PPIP5K2: variants seen among roughly 807,000 people sequenced by gnomAD.
The protein encoded by PPIP5K2 is diphosphoinositol pentakisphosphate kinase 2, also known as inositol hexakisphosphate and diphosphoinositol-pentakisphosphate kinase 2.
Under a neutral mutation model 154.6 loss-of-function variants are expected in PPIP5K2, and 105 were observed. That is an observed-to-expected ratio of 0.68 (90% CI 0.58 to 0.80). PPIP5K2 has a LOEUF of 0.80. Among genes scored for constraint, PPIP5K2 ranks in the 30% least tolerant of loss-of-function variants. The pLI is 0.00. For synonymous variants in PPIP5K2, 480 were observed against 490.3 expected (o/e 0.98, Z 0.28); for missense variants, 992 against 1,504.6 (o/e 0.66, Z 5.64).
rs782333228 is a variant in PPIP5K2, at chr5:103,177,999, T to C, written c.2754+19T>C. 1.4e-6 allele frequency: 2 copies of C among 1,446,094 alleles called. No individual in the cohort carries two copies. Among genetic ancestry groups the C allele is most frequent in the South Asian group, 2.3e-5 (2 of 87,260 alleles). 89.6% of individuals were successfully genotyped at this position (1,446,094 alleles called of 1,614,324 possible). The stretch of plus-strand genomic sequence containing the variant: ...CAGAGAGGTAATGAAGGTGGAACTC[T>C]CAGTGCTTAGTTACTACAGTTCTAG... On this transcript the variant is annotated intron_variant, in intron 23 of 30. Coordinates refer to ENST00000358359, the MANE Select transcript of PPIP5K2 (RefSeq NM_001276277.3).
chr5:103,185,182 G>A (rs142945748), intron 26 of PPIP5K2, among the ~76,000 whole-genome samples: 20 of 152,168 alleles, frequency 1.3e-4, no homozygotes, highest in African/African-American at 4.3e-4. Flanking sequence ...TGAGCAGCTC[G>A]TAAGGAAAAC....
At chr5:103,173,124 C>G (rs782148587) in intron 19 of PPIP5K2, 31 bp from the exon 20 acceptor site, 1 of 1,540,846 alleles carries the variant, frequency 6.5e-7, no homozygotes, top group Non-Finnish European at 8.8e-7. Context: ...TCATTATATC[C>G]TTTTTCTAAT....
chr5:103,133,426 C>T (rs781946277), intron 2 of PPIP5K2, 27 bp from the exon 3 acceptor site: 27 of 1,591,602 alleles, frequency 1.7e-5, no homozygotes, highest in East Asian at 4.5e-5. Flanking sequence ...AAAGTTAACC[C>T]GATTTTTTGT....
intron 1 of PPIP5K2, chr5:103,120,701 C>A (rs1788513296): frequency 6.1e-6 from 2 of 325,254 alleles, no homozygotes; most frequent in Non-Finnish European, 6.3e-6. Context: ...TCCTCCTGCT[C>A]CCCCATGGCT....
intron 5 of PPIP5K2, among the ~76,000 whole-genome samples, chr5:103,142,270 G>C (rs1347545785): frequency 1.3e-5 from 2 of 152,202 alleles, no homozygotes; most frequent in Admixed American, 6.5e-5. Flanking sequence ...CGCAGCCACT[G>C]GCCCGGGTGC....
chr5:103,199,230 A>G lies in PPIP5K2; in HGVS notation c.3620-2292A>G, dbSNP rs901247547. On this transcript the variant is annotated intron_variant, in intron 30 of 30. Coordinates refer to ENST00000358359, the MANE Select transcript of PPIP5K2 (RefSeq NM_001276277.3). Reference sequence around the variant, plus strand: ...TTCTATATTTATCCATATATTTGCCATATTTTTTGCTCTCTATTCCTTCCT... The same window carrying G: ...TTCTATATTTATCCATATATTTGCCGTATTTTTTGCTCTCTATTCCTTCCT... Among the ~76,000 whole-genome samples, 11 of 152,238 alleles carry G rather than the reference A, an allele frequency of 7.2e-5. No homozygotes were observed. In the East Asian group the frequency reaches 1.9e-3, roughly 27 times the overall value.
chr5:103,151,873 T>G (rs576635577), intron 9 of PPIP5K2, among the ~76,000 whole-genome samples: 1 of 152,152 alleles, frequency 6.6e-6, no homozygotes, highest in Admixed American at 6.5e-5. Context: ...GAAATGCCAT[T>G]TTTATATTCT....
chr5:103,173,165 T>C lies in PPIP5K2; in HGVS notation c.2297T>C (p.Ile766Thr). 6.2e-7 allele frequency: 1 copy of C among 1,602,644 alleles called. No homozygotes were observed. Among genetic ancestry groups the C allele is most frequent in the Non-Finnish European group, 8.5e-7 (1 of 1,175,654 alleles). ...ADIVIPQEYG[I>T]TKAEKLEIAK... ...GTATTTTTTGCTCAGGAATATGGTATAACTAAAGCTGAAAAACTGGAGATT... is the reference window on the plus strand; with the variant it reads ...GTATTTTTTGCTCAGGAATATGGTACAACTAAAGCTGAAAAACTGGAGATT... The change falls in exon 20 of 31, where the codon ATA (isoleucine) becomes ACA (threonine). Residue 766 changes from isoleucine to threonine, a missense_variant. This residue lies in a region of PPIP5K2 where 157 missense variants were observed against 281.2 expected (regional missense o/e 0.56). Coordinates refer to ENST00000358359, the MANE Select transcript of PPIP5K2 (RefSeq NM_001276277.3).
chr5:103,123,405 A>C (rs1030806773), intron 1 of PPIP5K2, among the ~76,000 whole-genome samples: 3 of 152,214 alleles, frequency 2.0e-5, no homozygotes, highest in Non-Finnish European at 4.4e-5. Context: ...TCACCTTGGA[A>C]CTTTTGGAAA....
rs111258679 is a variant in PPIP5K2, at chr5:103,195,294, T to C, written c.3619+269T>C. Reference sequence around the variant, plus strand: ...AATTTACGGACTGTCTTCTTTTGCCTTTCTTTTGAGTTTAAGGCATCATCT... The same window carrying C: ...AATTTACGGACTGTCTTCTTTTGCCCTTCTTTTGAGTTTAAGGCATCATCT... On this transcript the variant is annotated intron_variant, in intron 30 of 30. Coordinates refer to ENST00000358359, the MANE Select transcript of PPIP5K2 (RefSeq NM_001276277.3). Among the ~76,000 whole-genome samples the C allele has an allele frequency of 9.7e-3, 1,482 of 152,248 alleles. 46 individuals are homozygous for C. The highest frequency in any genetic ancestry group is 0.062 in the Admixed American group (940 of 15,266).
At position 103,149,247 on chromosome 5, in the gene PPIP5K2, A is replaced by C; in HGVS notation, c.840A>C (p.Val280=). Residue 280 remains valine (V), a synonymous_variant, in exon 8 of 31, where the codon GTA becomes GTC. Transcript: ENST00000358359. ...KVERDSEGKE[V]RYPVILNARE... is the part of the protein sequence containing the mutation. ...AACGAGACAGTGAAGGAAAAGAAGT[A>C]AGATACCCTGTTATTCTCAATGCAC... The C allele has an allele frequency of 6.2e-7, 1 of 1,614,036 alleles. No individual in the cohort carries two copies. The highest frequency in any genetic ancestry group is 8.5e-7 in the Non-Finnish European group (1 of 1,179,928).
chr5:103,167,945 A>C (rs987073924), intron 18 of PPIP5K2, 127 bp from the exon 19 acceptor site: 1 of 591,342 alleles, frequency 1.7e-6, no homozygotes, highest in African/African-American at 1.9e-5. Flanking sequence ...GTATGCCTAA[A>C]GTAACTCTCT....
At chr5:103,150,376 G>A (rs1222014759) in intron 8 of PPIP5K2, among the ~76,000 whole-genome samples, 1 of 152,188 alleles carries the variant, frequency 6.6e-6, no homozygotes, top group Non-Finnish European at 1.5e-5. Context: ...AAAGTTCTTA[G>A]AGCCTGAGTG....
chr5:103,136,858 A>G, intron 4 of PPIP5K2, 36 bp downstream of exon 4: 1 of 1,461,978 alleles, frequency 6.8e-7, no homozygotes, highest in Non-Finnish European at 9.6e-7. Flanking sequence ...AGGGAAGGAA[A>G]AATAACATTA....
rs1554212145 is a variant in PPIP5K2, at chr5:103,153,898, C to T, written c.1181C>T (p.Pro394Leu). 6.2e-7 allele frequency: 1 copy of T among 1,603,264 alleles called. No individual in the cohort carries two copies. Among genetic ancestry groups the T allele is most frequent in the Non-Finnish European group, 8.5e-7 (1 of 1,174,892 alleles). ...IAVIRHGDRT[P>L]KQKMKMEVRH... ...GTTATACGTCATGGGGATCGAACAC[C>T]AAAACAAAAAATGAAAATGGAAGTG... The change falls in exon 11 of 31, where the codon CCA becomes CTA. Residue 394 changes from proline to leucine, a missense_variant. By Grantham distance (98) the Pro-to-Leu change is moderately conservative. Transcript: ENST00000358359.
chr5:103,193,096 C>G (rs1025413863), intron 29 of PPIP5K2, among the ~76,000 whole-genome samples: 1 of 151,976 alleles, frequency 6.6e-6, no homozygotes, highest in African/African-American at 2.4e-5. Flanking sequence ...AACAGCTTTA[C>G]TATTTAAAGA....
Position 103,159,190 on chromosome 5 carries a change from A to G in PPIP5K2, c.1782A>G (p.Gln594=). 1 of 1,609,242 alleles carries G rather than the reference A, an allele frequency of 6.2e-7. No homozygotes were observed. Among genetic ancestry groups the G allele is most frequent in the African/African-American group, 1.3e-5 (1 of 74,836 alleles). ...LEGELTPILV[Q]MVKSANMNGL... ...GAGAGCTTACACCCATTCTTGTTCA[A>G]ATGGTGAAAAGTGCAAATATGAACG... The change falls in exon 17 of 31, where the codon CAA becomes CAG. Residue 594 remains glutamine, a synonymous_variant. Transcript: ENST00000358359.
At chr5:103,179,596 A>G (rs148129281) in intron 23 of PPIP5K2, among the ~76,000 whole-genome samples, 116 of 152,236 alleles carry the variant, frequency 7.6e-4, no homozygotes, top group African/African-American at 2.7e-3. Context: ...TTTGGAATAG[A>G]TTTAAATATT....
intron 29 of PPIP5K2, among the ~76,000 whole-genome samples, chr5:103,194,100 G>C (rs181851357): frequency 5.9e-5 from 9 of 152,088 alleles, no homozygotes; most frequent in African/African-American, 2.2e-4. Flanking sequence ...TATATTTGTA[G>C]ATGAAACATC....
Sources: gnomAD v4.1 joint callset for allele counts (sites outside exome capture counted in the v4.1 genomes callset) on GRCh38, gnomAD v4.1.1 for gene constraint, gnomAD v4.1.1 regional missense constraint, MANE v1.5 for transcripts, NCBI Gene and HGNC (gene_info 2026-07-23, HGNC 2026-07-21) for gene names.